Variants in RAPGEF6 observed in about 807,000 individuals in gnomAD.
RAPGEF6 encodes PDZ domain containing guanine nucleotide exchange factor (GEF) 2.
In RAPGEF6, 56 loss-of-function variants were observed where a neutral mutation model predicts 171.4. The observed-to-expected ratio is 0.33, with a 90% CI of 0.26 to 0.41. RAPGEF6 has a LOEUF of 0.41. Ranked by LOEUF, RAPGEF6 falls within the 10% of genes least tolerant of loss-of-function variation. RAPGEF6 has a pLI of 1.00. For missense variants in RAPGEF6, 1,674 were observed against 1,921.4 expected, an observed-to-expected ratio of 0.87 and a Z score of 2.41; for synonymous variants, 692 against 650.1, an observed-to-expected ratio of 1.06 and a Z score of -0.98.
intron 15 of RAPGEF6, among the ~76,000 whole-genome samples, chr5:131,486,726 A>ATTTTTTT (rs5871425): frequency 1.6e-5 from 2 of 127,266 alleles, no homozygotes; most frequent in African/African-American, 5.9e-5. Context: ...CAAGGGATAA[A>ATTTTTTT]TTTTTTTTTT....
At chr5:131,543,279 GA>G (rs2149942271) in intron 6 of RAPGEF6, among the ~76,000 whole-genome samples, 1 of 152,232 alleles carries the variant, frequency 6.6e-6, no homozygotes, top group South Asian at 2.1e-4. Context: ...CAAGTTCAGA[GA>G]GAAGATAAAA....
intron 6 of RAPGEF6, among the ~76,000 whole-genome samples, chr5:131,545,586 T>TA (rs1266967311): frequency 6.6e-6 from 1 of 152,204 alleles, no homozygotes; most frequent in East Asian, 1.9e-4. Context: ...TTTTGCTACA[T>TA]AGCATCCTTA....
At chr5:131,502,780 G>A (rs1051251502) in intron 11 of RAPGEF6, among the ~76,000 whole-genome samples, 5 of 152,016 alleles carry the variant, frequency 3.3e-5, no homozygotes, top group African/African-American at 1.2e-4. Context: ...TCTAAATAGG[G>A]TTTCTGGACT....
intron 1 of RAPGEF6, among the ~76,000 whole-genome samples, chr5:131,631,298 A>C (rs1368220664): frequency 1.3e-5 from 2 of 152,232 alleles, no homozygotes; most frequent in Non-Finnish European, 2.9e-5. Context: ...TGAATTTCTG[A>C]TCTTGCCCCT....
intron 15 of RAPGEF6, among the ~76,000 whole-genome samples, chr5:131,481,045 C>T (rs1167070550): frequency 2.0e-5 from 3 of 151,844 alleles, no homozygotes; most frequent in Admixed American, 6.6e-5. Flanking sequence ...GGTTATCCTG[C>T]CTCCCAAGTA....
At chr5:131,463,840 T>TA (rs1754125452) in intron 18 of RAPGEF6, 20 of 1,238,852 alleles carry the variant, frequency 1.6e-5, no homozygotes, top group South Asian at 6.3e-5. Flanking sequence ...GCTTCCTCTA[T>TA]AAAAAAACAG....
intron 5 of RAPGEF6, among the ~76,000 whole-genome samples, chr5:131,549,461 T>C (rs1418076939): frequency 1.3e-5 from 2 of 152,216 alleles, no homozygotes; most frequent in South Asian, 4.1e-4. Flanking sequence ...CATGTATTTT[T>C]CTGTATTTAC....
intron 7 of RAPGEF6, among the ~76,000 whole-genome samples, chr5:131,515,988 G>A (rs563129724): frequency 6.8e-6 from 1 of 148,126 alleles, no homozygotes; most frequent in African/African-American, 2.5e-5. Context: ...TCAAGTGGGA[G>A]TTTAAAAATG....
intron 5 of RAPGEF6, among the ~76,000 whole-genome samples, chr5:131,551,997 G>A (rs180716352): frequency 1.8e-4 from 28 of 151,984 alleles, no homozygotes; most frequent in African/African-American, 6.3e-4. Context: ...CAAATGCCAA[G>A]AATGATGTGA....
At chr5:131,560,767 C>A (rs151274720) in intron 5 of RAPGEF6, among the ~76,000 whole-genome samples, 16 of 152,212 alleles carry the variant, frequency 1.1e-4, no homozygotes, top group African/African-American at 3.9e-4. Flanking sequence ...AAGACATAAT[C>A]TTTGCCCTGT....
intron 3 of RAPGEF6, among the ~76,000 whole-genome samples, chr5:131,596,748 A>T (rs1763928912): frequency 6.6e-6 from 1 of 152,244 alleles, no homozygotes; most frequent in Non-Finnish European, 1.5e-5. Flanking sequence ...CTCAAAATGG[A>T]TTAAAGACTT....
chr5:131,536,335 G>A (rs1156817609), intron 6 of RAPGEF6, among the ~76,000 whole-genome samples: 1 of 152,208 alleles, frequency 6.6e-6, no homozygotes, highest in Non-Finnish European at 1.5e-5. Context: ...CATCTGAAAT[G>A]CATCTTTGCA....
intron 7 of RAPGEF6, among the ~76,000 whole-genome samples, chr5:131,516,213 G>C (rs1490063037): frequency 1.1e-4 from 17 of 151,502 alleles, no homozygotes; most frequent in Admixed American, 1.1e-3. Context: ...TCAGCCTCCT[G>C]AGTAGCTGGT....
chr5:131,462,132 A>T (rs1375898878), intron 18 of RAPGEF6, 44 bp from the exon 19 acceptor site: 1 of 1,306,884 alleles, frequency 7.7e-7, no homozygotes, highest in Non-Finnish European at 1.0e-6. Context: ...CATAAATATG[A>T]TTAAATAAGA....
At chr5:131,495,214 G>C (rs1210505763) in intron 13 of RAPGEF6, among the ~76,000 whole-genome samples, 1 of 151,854 alleles carries the variant, frequency 6.6e-6, no homozygotes, top group African/African-American at 2.4e-5. Context: ...AGAATTGCTT[G>C]AACCTGGAAA....
In RAPGEF6 at chr5:131,635,087, C is replaced by A; in HGVS notation, c.-57G>T. The A allele has an allele frequency of 6.6e-7, 1 of 1,517,056 alleles. No homozygotes were observed. The highest frequency in any genetic ancestry group is 8.9e-7 in the Non-Finnish European group (1 of 1,121,150). 94.0% of individuals were successfully genotyped at this position (1,517,056 alleles called of 1,614,324 possible). On this transcript the variant is annotated 5_prime_UTR_variant, in exon 1 of 28. Coordinates refer to ENST00000509018, the MANE Select transcript of RAPGEF6 (RefSeq NM_016340.6). The stretch of plus-strand genomic sequence containing the variant: ...TTAGCAGCCCACGCCACAGTTCATT[C>A]ACACTAGGTAGCGGGTGCGGTACCT...
At chr5:131,564,792 C>T (rs1282316186) in intron 4 of RAPGEF6, among the ~76,000 whole-genome samples, 1 of 152,112 alleles carries the variant, frequency 6.6e-6, no homozygotes, top group Non-Finnish European at 1.5e-5. Context: ...TAAATACGAA[C>T]ACAACAGAGA....
intron 7 of RAPGEF6, among the ~76,000 whole-genome samples, chr5:131,519,632 C>T (rs1758342278): frequency 6.6e-6 from 1 of 152,176 alleles, no homozygotes; most frequent in Non-Finnish European, 1.5e-5. Context: ...GAACTCCTAA[C>T]CTCAGGTAAT....
intron 1 of RAPGEF6, among the ~76,000 whole-genome samples, chr5:131,625,769 T>C (rs190810432): frequency 1.6e-4 from 23 of 147,764 alleles, no homozygotes; most frequent in Admixed American, 1.1e-3. Flanking sequence ...TCAGCCGAGA[T>C]AGCGCCACTG....
Sources: allele counts gnomAD v4.1 joint callset (sites outside exome capture counted in the v4.1 genomes callset), GRCh38; gene constraint gnomAD v4.1.1; transcripts MANE v1.5; gene names NCBI Gene and HGNC (gene_info 2026-07-23, HGNC 2026-07-21).